AGO4: variants seen among roughly 807,000 people sequenced by gnomAD.
AGO4 encodes the protein protein argonaute-4.
Under a neutral mutation model 104.7 loss-of-function variants are expected in AGO4, and 33 were observed. The observed-to-expected ratio is 0.32, with a 90% confidence interval of 0.24 to 0.42. The LOEUF is 0.42. Among genes scored for constraint, AGO4 ranks in the 10% least tolerant of loss-of-function variants. The pLI, the probability that AGO4 is intolerant of heterozygous loss-of-function variation, is 1.00. For missense variants in AGO4, 711 were observed against 1,083.4 expected (o/e 0.66, Z 4.83); for synonymous variants, 331 against 364.7 (o/e 0.91, Z 1.05).
At chr1:35,811,512 C>T (rs189061735) in intron 1 of AGO4, among the ~76,000 whole-genome samples, 12 of 151,756 alleles carry the variant, frequency 7.9e-5, no homozygotes, top group African/African-American at 2.9e-4. Flanking sequence ...GACCTTTGAG[C>T]ACTAACTATG....
chr1:35,844,603 A>G (rs1463103892), intron 15 of AGO4, among the ~76,000 whole-genome samples: 1 of 152,122 alleles, frequency 6.6e-6, no homozygotes, highest in African/African-American at 2.4e-5. Flanking sequence ...ACTCAGTTAC[A>G]TCTTGTATTT....
At chr1:35,817,717 C>T (rs1182645680) in intron 2 of AGO4, among the ~76,000 whole-genome samples, 1 of 152,106 alleles carries the variant, frequency 6.6e-6, no homozygotes, top group Non-Finnish European at 1.5e-5. Flanking sequence ...AAGATTCTTG[C>T]TTTTTTAAGA....
rs140509555 is a variant in AGO4 at position 35,846,051 on chromosome 1, G to A, written c.2176-4106G>A. Among the ~76,000 whole-genome samples the A allele has an allele frequency of 7.6e-3, 1,162 of 152,298 alleles. 16 individuals carry two copies. Among genetic ancestry groups the A allele is most frequent in the African/African-American group, 0.025 (1,036 of 41,550 alleles). On this transcript the variant is annotated intron_variant, in intron 15 of 17. Transcript: ENST00000373210. ...ACCCCTGAGATAATTGGGTGTGGAT[G>A]TATAATCCTCCCCCAGGCAGGGGCA...
intron 13 of AGO4, among the ~76,000 whole-genome samples, chr1:35,836,343 G>A (rs1429738936): frequency 6.6e-6 from 1 of 152,200 alleles, no homozygotes; most frequent in Non-Finnish European, 1.5e-5. Context: ...GTTAATTTGT[G>A]TTGTTGCACT....
At position 35,857,559 on chromosome 1, in the gene AGO4, G is replaced by A. The variant is rs1384345890; in HGVS notation, c.*3954G>A. ...ATTAAGGGAGGGGTTGTATCCTCAT[G>A]TTGAGATAAGATGATGGTCGTTTAA... is the stretch of plus-strand genomic sequence containing the variant. On this transcript the variant is annotated 3_prime_UTR_variant, in exon 18 of 18. Coordinates refer to ENST00000373210, the MANE Select transcript of AGO4 (RefSeq NM_017629.4). 2 of 152,226 alleles carry A rather than the reference G, an allele frequency of 1.3e-5. No homozygotes were observed. Among genetic ancestry groups the A allele is most frequent in the African/African-American group, 4.8e-5 (2 of 41,452 alleles). 9.4% of individuals were successfully genotyped at this position (152,226 alleles called of 1,614,324 possible).
chr1:35,814,750 G>C (rs1168088680), intron 1 of AGO4, among the ~76,000 whole-genome samples: 1 of 151,970 alleles, frequency 6.6e-6, no homozygotes, highest in African/African-American at 2.4e-5. Context: ...AGAATATAGT[G>C]GGAAAATGAA....
upstream of AGO4, among the ~76,000 whole-genome samples, chr1:35,808,015 C>G (rs557422644): frequency 2.7e-5 from 4 of 150,454 alleles, no homozygotes; most frequent in Non-Finnish European, 5.9e-5. The surrounding 1 kb of genome is among the most constrained non-coding windows in gnomAD (Gnocchi z 5.2). Context: ...GGCGCGCGCT[C>G]GTTCCCCGAC....
chr1:35,823,737 T>TTTA (rs1442737856), intron 3 of AGO4, among the ~76,000 whole-genome samples: 5 of 149,164 alleles, frequency 3.4e-5, no homozygotes, highest in African/African-American at 9.9e-5. Context: ...GGCCTTAATT[T>TTTA]TTATTATTAT....
chr1:35,819,876 T>G (rs1157407998), intron 2 of AGO4, among the ~76,000 whole-genome samples: 3 of 151,198 alleles, frequency 2.0e-5, no homozygotes, highest in Non-Finnish European at 4.4e-5. Flanking sequence ...GAGACAAACA[T>G]TTGAGAATCA....
intron 7 of AGO4, among the ~76,000 whole-genome samples, chr1:35,828,602 C>T (rs1197689555): frequency 6.6e-6 from 1 of 152,050 alleles, no homozygotes; most frequent in Non-Finnish European, 1.5e-5. Context: ...TCACTGCAAC[C>T]TCCACCTCCC....
chr1:35,814,230 G>A (rs1643614175), intron 1 of AGO4, among the ~76,000 whole-genome samples: 1 of 152,134 alleles, frequency 6.6e-6, no homozygotes. Context: ...ATACTGTTCA[G>A]TTCAACATTT....
chr1:35,820,466 C>T lies in AGO4; in HGVS notation c.186-2396C>T, dbSNP rs576111720. ...TCCACTTCTGGGGTTCAACTGATTC[C>T]CTTGCCTCAGCCTCCCGAGTAGCTG... is the stretch of plus-strand genomic sequence containing the variant. On this transcript the variant is annotated intron_variant, in intron 2 of 17. Coordinates refer to ENST00000373210, the MANE Select transcript of AGO4 (RefSeq NM_017629.4). Among the ~76,000 whole-genome samples the T allele has an allele frequency of 1.5e-4, 23 of 152,024 alleles. No homozygotes were observed. In the South Asian group the frequency reaches 4.2e-3, roughly 27 times the overall value.
At chr1:35,820,836 T>C (rs1643873679) in intron 2 of AGO4, among the ~76,000 whole-genome samples, 2 of 152,316 alleles carry the variant, frequency 1.3e-5, no homozygotes, top group South Asian at 2.1e-4. Flanking sequence ...CCATTCTAAA[T>C]ACTCTATGTA....
chr1:35,825,366 G>A lies in AGO4; in HGVS notation c.360G>A (p.Val120=). The part of the protein sequence containing the change: ...PGEGKDQTFK[V]SVQWVSVVSL... ...AGGGTAAAGACCAAACATTTAAAGTGTCTGTTCAGTGGGTGTCAGTTGTGA... is the reference window on the plus strand; with the variant it reads ...AGGGTAAAGACCAAACATTTAAAGTATCTGTTCAGTGGGTGTCAGTTGTGA... The change falls in exon 4 of 18, where the codon GTG becomes GTA. Residue 120 remains valine, a synonymous_variant. Coordinates refer to ENST00000373210, the MANE Select transcript of AGO4 (RefSeq NM_017629.4). The A allele has an allele frequency of 1.2e-6, 2 of 1,614,190 alleles. No homozygotes were observed. Among genetic ancestry groups the A allele is most frequent in the South Asian group, 1.1e-5 (1 of 91,084 alleles).
intron 16 of AGO4, 85 bp downstream of exon 16, chr1:35,850,343 A>T: frequency 2.0e-6 from 2 of 1,012,494 alleles, no homozygotes; most frequent in South Asian, 2.5e-5. Context: ...CTTGTTATTT[A>T]ACACCGTGCC....
chr1:35,822,682 C>T (rs1411726855), intron 2 of AGO4, among the ~76,000 whole-genome samples, 180 bp from the exon 3 acceptor site: 2 of 152,172 alleles, frequency 1.3e-5, no homozygotes, highest in Non-Finnish European at 2.9e-5. Flanking sequence ...TGTTTTTGTA[C>T]ACTTGTTGCT....
chr1:35,846,498 G>A (rs1421441294), intron 15 of AGO4, among the ~76,000 whole-genome samples: 1 of 152,032 alleles, frequency 6.6e-6, no homozygotes, highest in Non-Finnish European at 1.5e-5. Context: ...TCGGGAGGCT[G>A]AGACAGGAGA....
chr1:35,808,971 C>T lies in AGO4; in HGVS notation c.19+536C>T, dbSNP rs966022984. ...GAAGGTCAAGGGACAAAATGCCCAC[C>T]CTTTCTGAAAGGCCCTGATGTCCCA... On this transcript the variant is annotated intron_variant, in intron 1 of 17. Coordinates refer to ENST00000373210, the MANE Select transcript of AGO4 (RefSeq NM_017629.4). The surrounding 1 kb of genome is among the most constrained non-coding windows in gnomAD (Gnocchi z 5.2). Among the ~76,000 whole-genome samples the T allele has an allele frequency of 6.6e-6, 1 of 152,292 alleles. No individual in the cohort carries two copies. Among genetic ancestry groups the T allele is most frequent in the Admixed American group, 6.5e-5 (1 of 15,290 alleles).
chr1:35,830,448 G>A (rs1450734536), intron 7 of AGO4, among the ~76,000 whole-genome samples: 1 of 152,182 alleles, frequency 6.6e-6, no homozygotes, highest in Admixed American at 6.5e-5. Context: ...TTAATTTGAA[G>A]CCAGCAAGAG....
Sources: gnomAD v4.1 joint callset for allele counts (sites outside exome capture counted in the v4.1 genomes callset) on GRCh38, gnomAD v4.1.1 for gene constraint, Gnocchi (gnomAD v3.1) non-coding constraint, MANE v1.5 for transcripts, NCBI Gene and HGNC (gene_info 2026-07-23, HGNC 2026-07-21) for gene names.